Variants in NCALD observed in about 807,000 individuals in gnomAD.
NCALD encodes neurocalcin delta, also known as neurocalcin-delta.
NCALD carries 10 observed loss-of-function variants against 18.6 expected under a neutral mutation model. That is an observed-to-expected ratio of 0.54 (90% CI 0.33 to 0.91). The LOEUF (loss-of-function observed/expected upper bound fraction) is 0.91. NCALD is among the 40% of genes least tolerant of loss of function. NCALD has a pLI of 0.03. For missense variants in NCALD, 184 were observed against 247.6 expected, an observed-to-expected ratio of 0.74 and a Z score of 1.72; for synonymous variants, 88 against 87.4, an observed-to-expected ratio of 1.01 and a Z score of -0.04.
At chr8:102,117,678 G>A (rs1404228632) in intron 1 of NCALD, among the ~76,000 whole-genome samples, 1 of 150,970 alleles carries the variant, frequency 6.6e-6, no homozygotes, top group African/African-American at 2.4e-5. Context: ...AGGACATGTT[G>A]TCACTCCCAT....
At chr8:102,077,784 C>A (rs548267169) in intron 1 of NCALD, among the ~76,000 whole-genome samples, 1 of 152,274 alleles carries the variant, frequency 6.6e-6, no homozygotes, top group East Asian at 1.9e-4. Context: ...GGAATTTGAC[C>A]TCTTACCTGA....
intron 3 of NCALD, among the ~76,000 whole-genome samples, chr8:101,891,648 G>A (rs973916340): frequency 6.6e-6 from 1 of 152,228 alleles, no homozygotes; most frequent in Non-Finnish European, 1.5e-5. Context: ...GCAGGCCAGT[G>A]GGTGCGTGCA....
chr8:101,787,792 C>T (rs1167508791), intron 1 of NCALD, among the ~76,000 whole-genome samples: 1 of 152,166 alleles, frequency 6.6e-6, no homozygotes, highest in Non-Finnish European at 1.5e-5. Context: ...ACCTTTAGGG[C>T]TCTCTCTTGA....
intron 4 of NCALD, among the ~76,000 whole-genome samples, chr8:101,833,457 A>G (rs1814268723): frequency 6.6e-6 from 1 of 152,218 alleles, no homozygotes; most frequent in Admixed American, 6.5e-5. Flanking sequence ...AAGTCTCGTA[A>G]CAATAACACA....
At chr8:102,048,940 G>A (rs1215059540) in intron 1 of NCALD, among the ~76,000 whole-genome samples, 1 of 152,162 alleles carries the variant, frequency 6.6e-6, no homozygotes, top group Non-Finnish European at 1.5e-5. Context: ...GGAGAGTTAG[G>A]ATAAGGAGTG....
chr8:101,829,623 G>A (rs1814084893), intron 4 of NCALD, among the ~76,000 whole-genome samples: 1 of 151,130 alleles, frequency 6.6e-6, no homozygotes, highest in Admixed American at 6.6e-5. Flanking sequence ...TAATTGTTGA[G>A]GAAATATCTT....
At chr8:101,843,249 G>C (rs1451172452) in intron 4 of NCALD, among the ~76,000 whole-genome samples, 1 of 152,174 alleles carries the variant, frequency 6.6e-6, no homozygotes, top group East Asian at 1.9e-4. Flanking sequence ...GGTAATTGTA[G>C]GAAGAGTACA....
At chr8:101,874,646 T>TCCTGCCTCAGCCG (rs1169640592) in intron 4 of NCALD, among the ~76,000 whole-genome samples, 1 of 152,054 alleles carries the variant, frequency 6.6e-6, no homozygotes, top group African/African-American at 2.4e-5. Context: ...CAAGTGATCC[T>TCCTGCCTCAGCCG]CCTGAACAGC....
At chr8:101,905,612 C>A (rs1446275626) in intron 3 of NCALD, among the ~76,000 whole-genome samples, 1 of 152,140 alleles carries the variant, frequency 6.6e-6, no homozygotes, top group Non-Finnish European at 1.5e-5. Context: ...TTACATCCAC[C>A]CTCTACCCCT....
rs1817286145 is a variant in NCALD at position 101,898,317 on chromosome 8, T to C, written c.-106-11090A>G. Among the ~76,000 whole-genome samples, 3 of 152,222 alleles carry C rather than the reference T, an allele frequency of 2.0e-5. No homozygotes were observed. The South Asian group carries it at 6.2e-4, about 31-fold the overall frequency. On this transcript the variant is annotated intron_variant, in intron 3 of 6. Coordinates refer to the NCALD transcript ENST00000311028. ...GATGCTGAACATCTTTTCATGAGCTTATTTGCCATCCAAATATCATTTACA... is the reference window on the plus strand; with the variant it reads ...GATGCTGAACATCTTTTCATGAGCTCATTTGCCATCCAAATATCATTTACA...
In NCALD at chr8:101,692,771, G is replaced by T; in HGVS notation, c.484+20C>A. 1 of 1,594,200 alleles carries T rather than the reference G, an allele frequency of 6.3e-7. No homozygotes were observed. Among genetic ancestry groups the T allele is most frequent in the Non-Finnish European group, 8.6e-7 (1 of 1,162,412 alleles). Reference sequence around the variant, plus strand: ...CAGCAGCCCCCATCTGAGCAAAGCAGTGTAGCCCCCGCCTCCTACCGTCTC... The same window carrying T: ...CAGCAGCCCCCATCTGAGCAAAGCATTGTAGCCCCCGCCTCCTACCGTCTC... On this transcript the variant is annotated intron_variant, in intron 3 of 3. Transcript: ENST00000220931.
chr8:102,093,410 T>TCC (rs1301406947), intron 1 of NCALD, among the ~76,000 whole-genome samples: 2 of 152,210 alleles, frequency 1.3e-5, no homozygotes, highest in Non-Finnish European at 2.9e-5. Flanking sequence ...TTCTCTCCTA[T>TCC]CTACATTATT....
chr8:101,879,603 C>T (rs1661449699), intron 4 of NCALD, among the ~76,000 whole-genome samples: 1 of 152,206 alleles, frequency 6.6e-6, no homozygotes, highest in African/African-American at 2.4e-5. Flanking sequence ...GCTGGGACAG[C>T]CTGCTTTTAT....
chr8:102,103,116 T>A (rs1825340492), intron 1 of NCALD, among the ~76,000 whole-genome samples: 1 of 152,020 alleles, frequency 6.6e-6, no homozygotes, highest in Non-Finnish European at 1.5e-5. Context: ...CTGTGGAAAA[T>A]ACAGACTCAG....
At chr8:101,726,072 TCTAA>T (rs1563699989) in intron 1 of NCALD, among the ~76,000 whole-genome samples, 2 of 151,614 alleles carry the variant, frequency 1.3e-5, no homozygotes, top group African/African-American at 4.8e-5. Flanking sequence ...ATGAGAGGGG[TCTAA>T]GCTGGGAGGC....
intron 4 of NCALD, among the ~76,000 whole-genome samples, chr8:101,866,892 T>C (rs1014825066): frequency 1.3e-5 from 2 of 152,168 alleles, no homozygotes; most frequent in African/African-American, 2.4e-5. Context: ...AGCATGTCAC[T>C]TCTCTGCTCA....
rs112131848 is a variant in NCALD, at chr8:101,721,854, CTT to C, written c.-19-2208_-19-2207del. ...AACTTACTTTTTGGGTTCCCCCTGCCTTTTTTTTTTTTTTTAAGACTCTGTCA... is the reference window on the plus strand; with the variant it reads ...AACTTACTTTTTGGGTTCCCCCTGCCTTTTTTTTTTTTTAAGACTCTGTCA... On this transcript the variant is annotated intron_variant, in intron 1 of 3. Coordinates refer to ENST00000220931, the MANE Select transcript of NCALD (RefSeq NM_032041.3). Among the ~76,000 whole-genome samples the C allele has an allele frequency of 3.0e-4, 43 of 141,012 alleles. 1 individual carries two copies. Among genetic ancestry groups the C allele is most frequent in the East Asian group, 1.6e-3 (8 of 4,882 alleles). 92.5% of individuals were successfully genotyped at this position (141,012 alleles called of 152,430 possible). A position where few individuals can be genotyped will look rare whatever the true frequency, so the allele number is the denominator to read the frequency against.
rs541993959 is a variant in NCALD at position 101,687,462 on chromosome 8, T to A, written c.*1847A>T. On this transcript the variant is annotated 3_prime_UTR_variant, in exon 4 of 4. Coordinates refer to ENST00000220931, the MANE Select transcript of NCALD (RefSeq NM_032041.3). ...CTGACCCCTGGAGGAAGACTAGGAT[T>A]ATTTTTACAGAGTCTAGGTCTCAAA... 6.5e-6 allele frequency: 1 copy of A among 152,802 alleles called. No homozygotes were observed. The highest frequency in any genetic ancestry group is 2.4e-5 in the African/African-American group (1 of 41,588). The allele number at this position is 152,802 out of a possible 1,614,324, so 9.5% of individuals were successfully genotyped here.
intron 2 of NCALD, among the ~76,000 whole-genome samples, chr8:101,954,241 A>T (rs1320059489): frequency 6.6e-6 from 1 of 152,190 alleles, no homozygotes; most frequent in African/African-American, 2.4e-5. Context: ...TGACTTGGAC[A>T]TCAGTAGAAT....
Sources: allele counts gnomAD v4.1 joint callset (sites outside exome capture counted in the v4.1 genomes callset), GRCh38; gene constraint gnomAD v4.1.1; transcripts MANE v1.5; gene names NCBI Gene and HGNC (gene_info 2026-07-23, HGNC 2026-07-21).